The following PRPF38A variants were observed in gnomAD, a reference collection of about 807,000 sequenced individuals.
PRPF38A encodes pre-mRNA-splicing factor 38A.
A neutral mutation model predicts 46.8 loss-of-function variants in PRPF38A; 11 were observed. The ratio of observed to expected loss-of-function variants is 0.24; its 90% CI spans 0.15 to 0.39. The LOEUF is 0.39. Among genes scored for constraint, PRPF38A ranks in the 10% least tolerant of loss-of-function variants. The pLI is 1.00. For synonymous variants in PRPF38A, 124 were observed against 136.2 expected (o/e 0.91, Z 0.62); for missense variants, 261 against 407.5 (o/e 0.64, Z 3.10).
At chr1:52,405,492 CAGG>C (rs1444849547) in intron 1 of PRPF38A, among the ~76,000 whole-genome samples, 185 bp from the exon 2 acceptor site, 1 of 152,216 alleles carries the variant, frequency 6.6e-6, no homozygotes, top group African/African-American at 2.4e-5. Context: ...AAAAGCTTAG[CAGG>C]GTACCTATTT....
chr1:52,412,414 G>T, intron 4 of PRPF38A, 100 bp from the exon 5 acceptor site: 1 of 701,878 alleles, frequency 1.4e-6, no homozygotes, highest in Admixed American at 2.9e-5. Context: ...AAATGAAATT[G>T]CCTCAGCTGT....
chr1:52,410,982 A>G (rs1282807763), intron 3 of PRPF38A, 133 bp from the exon 4 acceptor site: 5 of 618,638 alleles, frequency 8.1e-6, no homozygotes, highest in South Asian at 2.1e-5. Flanking sequence ...GGACATCTTC[A>G]TTCATCCCTT....
intron 6 of PRPF38A, 50 bp from the exon 7 acceptor site, chr1:52,414,571 C>T: frequency 6.2e-7 from 1 of 1,606,286 alleles, no homozygotes; most frequent in South Asian, 1.1e-5. Context: ...TTGCAATCTA[C>T]CACATCCAGT....
chr1:52,416,120 T>C (rs1648285833), intron 9 of PRPF38A, among the ~76,000 whole-genome samples: 1 of 152,006 alleles, frequency 6.6e-6, no homozygotes, highest in African/African-American at 2.4e-5. Context: ...ATTACAGGCA[T>C]GAGCCACCGC....
In PRPF38A at chr1:52,416,766, C is replaced by T. The variant is rs1191297038; in HGVS notation, c.*76C>T. The T allele has an allele frequency of 1.9e-6, 2 of 1,076,756 alleles. No homozygotes were observed. Among genetic ancestry groups the T allele is most frequent in the Middle Eastern group, 4.0e-4 (2 of 5,036 alleles). The allele number at this position is 1,076,756 out of a possible 1,614,324, so 66.7% of individuals were successfully genotyped here. ...TCTGTATGTGGAAGGATTAAGATCT[C>T]CCCCAGGCAGCTATAAGAATATTTT... On this transcript the variant is annotated 3_prime_UTR_variant, in exon 10 of 10. Coordinates refer to ENST00000257181, the MANE Select transcript of PRPF38A (RefSeq NM_032864.4).
At chr1:52,404,980 G>C in intron 1 of PRPF38A, 101 bp downstream of exon 1, 1 of 1,412,740 alleles carries the variant, frequency 7.1e-7, no homozygotes, top group South Asian at 1.3e-5. Context: ...GGTGGTACTG[G>C]AACGGAGTAT....
In PRPF38A at chr1:52,411,022, A is replaced by G. The variant is rs924588870; in HGVS notation, c.413-93A>G. The G allele has an allele frequency of 1.1e-4, 96 of 835,108 alleles. No individual in the cohort carries two copies. The African/African-American group carries it at 1.5e-3, about 13-fold the overall frequency. The allele number at this position is 835,108 out of a possible 1,614,324, so 51.7% of individuals were successfully genotyped here. A position where few individuals can be genotyped will look rare whatever the true frequency, so the allele number is the denominator to read the frequency against. ...TCTTCTAAAGAGGCCTAGCACATAG[A>G]TGTCCTGATATGAAGTCTTAACACT... On this transcript the variant is annotated intron_variant, in intron 3 of 9. Coordinates refer to ENST00000257181, the MANE Select transcript of PRPF38A (RefSeq NM_032864.4).
intron 9 of PRPF38A, among the ~76,000 whole-genome samples, chr1:52,415,832 CTTTTTTT>C (rs71041898): frequency 5.8e-5 from 3 of 51,572 alleles, no homozygotes; most frequent in African/African-American, 2.8e-4. Flanking sequence ...TGGGTGCACT[CTTTTTTT>C]TTTTTTTTTT....
Position 52,414,628 on chromosome 1 carries a change from CGATCTCCCAAAAGGAGAAG to C in PRPF38A, c.732_749+1del, listed in dbSNP as rs748870236. Reference sequence around the variant, plus strand: ...TTCCTCTCCTCTTTATAGGCGGAGTCGATCTCCCAAAAGGAGAAGGTAGGCCTTCAGTCATTTGTGATGA... The same window carrying C: ...TTCCTCTCCTCTTTATAGGCGGAGTCGTAGGCCTTCAGTCATTTGTGATGA... On this transcript the variant is annotated frameshift_variant and splice_region_variant, in exon 7 of 10. Transcript: ENST00000257181. LOFTEE classifies it high-confidence loss of function. The C allele has an allele frequency of 6.2e-7, 1 of 1,613,618 alleles. No homozygotes were observed.
rs1183592985 is a variant in PRPF38A, at chr1:52,419,791, C to T, written c.*3101C>T. 1 of 152,302 alleles carries T rather than the reference C, an allele frequency of 6.6e-6. No homozygotes were observed. Among genetic ancestry groups the T allele is most frequent in the African/African-American group, 2.4e-5 (1 of 41,426 alleles). 9.4% of individuals were successfully genotyped at this position (152,302 alleles called of 1,614,324 possible). ...ATTGGCCGGGTGCGGTGGCTCACGC[C>T]TGTAATCCCAGCACTTTGGGAGGCC... On this transcript the variant is annotated 3_prime_UTR_variant, in exon 10 of 10. Transcript: ENST00000257181.
In PRPF38A at chr1:52,404,896, G is replaced by A; in HGVS notation, c.130+17G>A. ...GACTTACAGGTAAGTGGAAGCGCGC[G>A]GAGCGCCTCTCAGCCCCCTTGTGGC... On this transcript the variant is annotated intron_variant, in intron 1 of 9. Transcript: ENST00000257181. The A allele has an allele frequency of 6.2e-7, 1 of 1,612,698 alleles. No homozygotes were observed.
At chr1:52,416,358 G>C (rs1648291889) in intron 9 of PRPF38A, among the ~76,000 whole-genome samples, 1 of 151,366 alleles carries the variant, frequency 6.6e-6, no homozygotes, top group South Asian at 2.1e-4. Flanking sequence ...ATTGAGGCTG[G>C]AGTGCAATGG....
intron 8 of PRPF38A, 139 bp downstream of exon 8, chr1:52,414,998 T>G (rs1250135418): frequency 6.6e-6 from 5 of 757,592 alleles, no homozygotes; most frequent in Non-Finnish European, 1.1e-5. Flanking sequence ...AAAATTAAGG[T>G]TCACAGCTTG....
intron 1 of PRPF38A, 83 bp from the exon 2 acceptor site, chr1:52,405,596 AG>A (rs1238186532): frequency 4.7e-6 from 6 of 1,282,442 alleles, no homozygotes; most frequent in African/African-American, 1.5e-5. Context: ...ATGTATATTT[AG>A]GAGAACCAAA....
chr1:52,408,558 C>G lies in PRPF38A; in HGVS notation c.291-11C>G. The G allele has an allele frequency of 6.2e-7, 1 of 1,614,094 alleles. No individual in the cohort carries two copies. Among genetic ancestry groups the G allele is most frequent in the Non-Finnish European group, 8.5e-7 (1 of 1,179,964 alleles). The stretch of plus-strand genomic sequence containing the variant: ...GGATGGCCTGTTGTTTCACTGTCAT[C>G]TGTCTCTCAGGTATGTCCGCATGCT... On this transcript the variant is annotated splice_polypyrimidine_tract_variant and intron_variant, in intron 2 of 9. Coordinates refer to ENST00000257181, the MANE Select transcript of PRPF38A (RefSeq NM_032864.4).
rs768610223 is a variant in PRPF38A, at chr1:52,416,628, TA to T, written c.897-19del. ...CTGGCTGCTTCTTAATATAATTATT[TA>T]TATGTGTTGCCATTTCAGGTCTAAG... On this transcript the variant is annotated intron_variant, in intron 9 of 9. Coordinates refer to ENST00000257181, the MANE Select transcript of PRPF38A (RefSeq NM_032864.4). 28 of 1,600,116 alleles carry T rather than the reference TA, an allele frequency of 1.7e-5. No homozygotes were observed. In the African/African-American group the frequency reaches 3.3e-4, roughly 19 times the overall value.
At position 52,405,923 on chromosome 1, in the gene PRPF38A, A is replaced by G. The variant is rs1647974916; in HGVS notation, c.290+84A>G. The stretch of plus-strand genomic sequence containing the variant: ...GCTTTGGTTAAGAGGGGTGTACACA[A>G]TGTATCTCATTTCTAGAGAGTTCCA... On this transcript the variant is annotated intron_variant, in intron 2 of 9. Transcript: ENST00000257181. 4 of 1,102,138 alleles carry G rather than the reference A, an allele frequency of 3.6e-6. No individual in the cohort carries two copies. In the South Asian group the frequency reaches 4.1e-5, roughly 11 times the overall value. 68.3% of individuals were successfully genotyped at this position (1,102,138 alleles called of 1,614,324 possible). A position where few individuals can be genotyped will look rare whatever the true frequency, so the allele number is the denominator to read the frequency against.
chr1:52,405,931 C>T, intron 2 of PRPF38A, 92 bp downstream of exon 2: 1 of 1,052,896 alleles, frequency 9.5e-7, no homozygotes, highest in Non-Finnish European at 1.4e-6. Context: ...CAATGTATCT[C>T]ATTTCTAGAG....
At position 52,417,312 on chromosome 1, in the gene PRPF38A, T is replaced by G; in HGVS notation, c.*622T>G. On this transcript the variant is annotated 3_prime_UTR_variant, in exon 10 of 10. Coordinates refer to ENST00000257181, the MANE Select transcript of PRPF38A (RefSeq NM_032864.4). ...TTATACAGCCCATTTTTTCATAGTT[T>G]CATTTGTTCTTGCCCACAAGCTTGA... The G allele has an allele frequency of 6.6e-6, 1 of 152,442 alleles. No homozygotes were observed. The highest frequency in any genetic ancestry group is 1.9e-4 in the East Asian group (1 of 5,210). 9.4% of individuals were successfully genotyped at this position (152,442 alleles called of 1,614,324 possible). A position where few individuals can be genotyped will look rare whatever the true frequency, so the allele number is the denominator to read the frequency against.
Sources: allele counts gnomAD v4.1 joint callset (sites outside exome capture counted in the v4.1 genomes callset), GRCh38; gene constraint gnomAD v4.1.1; transcripts MANE v1.5; gene names NCBI Gene and HGNC (gene_info 2026-07-23, HGNC 2026-07-21).